ZFHX3: variants seen among roughly 807,000 people sequenced by gnomAD.
ZFHX3 encodes zinc finger homeobox 3, also known as zinc finger homeobox protein 3.
A neutral mutation model predicts 279.1 loss-of-function variants in ZFHX3; 42 were observed. The observed-to-expected ratio is 0.15, with a 90% CI of 0.12 to 0.19. The LOEUF is 0.19. ZFHX3 is among the 10% of genes least tolerant of loss of function. ZFHX3 has a pLI of 1.00. For missense variants in ZFHX3, 4,981 were observed against 4,754.0 expected, an observed-to-expected ratio of 1.05 and a Z score of -1.40; for synonymous variants, 2,293 against 1,957.8, an observed-to-expected ratio of 1.17 and a Z score of -4.52.
intron 5 of ZFHX3, among the ~76,000 whole-genome samples, chr16:73,227,255 A>C (rs756657129): frequency 2.0e-5 from 3 of 152,226 alleles, no homozygotes; most frequent in African/African-American, 4.8e-5. Context: ...TGTGGTTCTT[A>C]ATAAGATTTT....
At chr16:73,015,923 A>T (rs1964086367) in intron 1 of ZFHX3, 1 of 152,214 alleles carries the variant, frequency 6.6e-6, no homozygotes. Flanking sequence ...TGGGTTTTAC[A>T]CACCATACGG....
intron 2 of ZFHX3, among the ~76,000 whole-genome samples, chr16:73,536,786 CTA>C (rs2019909476): frequency 6.6e-6 from 1 of 152,076 alleles, no homozygotes; most frequent in African/African-American, 2.4e-5. Flanking sequence ...TGTCAGAGGA[CTA>C]TGTTTCCAGG....
At chr16:73,217,444 T>A (rs1389757323) in intron 5 of ZFHX3, among the ~76,000 whole-genome samples, 1 of 152,098 alleles carries the variant, frequency 6.6e-6, no homozygotes, top group Non-Finnish European at 1.5e-5. Context: ...GGGTTTGGTA[T>A]TTTTTGTTTT....
rs184813919 is a variant in ZFHX3, at chr16:73,407,075, T to G, written c.-1291+48928A>C. On this transcript the variant is annotated intron_variant, in intron 3 of 17. Coordinates refer to the ZFHX3 transcript ENST00000641206. Reference sequence around the variant, plus strand: ...TTCCTGCAGGGCGTATTTGGCAATGTTTACATATATTTTTGGTTGTTACAA... The same window carrying G: ...TTCCTGCAGGGCGTATTTGGCAATGGTTACATATATTTTTGGTTGTTACAA... 7.4e-4 allele frequency among the ~76,000 whole-genome samples: 113 copies of G among 152,218 alleles called. No homozygotes were observed. The East Asian group carries it at 0.019, about 25-fold the overall frequency.
At chr16:73,709,961 C>G (rs375289112) in intron 1 of ZFHX3, among the ~76,000 whole-genome samples, 1 of 152,144 alleles carries the variant, frequency 6.6e-6, no homozygotes, top group African/African-American at 2.4e-5. Context: ...GTGGGTGGAT[C>G]ACCTGAGGTC....
intron 1 of ZFHX3, among the ~76,000 whole-genome samples, chr16:73,019,343 C>CGTGTGTGTGTGTGTGTGCGT: frequency 6.7e-6 from 1 of 150,170 alleles, no homozygotes; most frequent in Non-Finnish European, 1.5e-5. Context: ...TGTGTCTGTG[C>CGTGTGTGTGTGTGTGTGCGT]GTGTGTGTGT....
At chr16:73,447,119 T>C (rs548141731) in intron 3 of ZFHX3, among the ~76,000 whole-genome samples, 22 of 149,344 alleles carry the variant, frequency 1.5e-4, no homozygotes, top group African/African-American at 5.4e-4. Flanking sequence ...ATGCGGAGCT[T>C]GCAGTCAGCC....
intron 4 of ZFHX3, among the ~76,000 whole-genome samples, chr16:73,269,010 C>T (rs2014066200): frequency 1.3e-5 from 2 of 152,218 alleles, no homozygotes; most frequent in African/African-American, 4.8e-5. Flanking sequence ...AAGACCTGGG[C>T]TGCCTCCACT....
intron 3 of ZFHX3, among the ~76,000 whole-genome samples, chr16:73,430,852 T>C (rs2143514253): frequency 6.6e-6 from 1 of 152,292 alleles, no homozygotes; most frequent in African/African-American, 2.4e-5. Context: ...GCCCAAAAAG[T>C]CCCTCAAAGG....
intron 3 of ZFHX3, among the ~76,000 whole-genome samples, chr16:73,372,785 G>A (rs2016654388): frequency 6.6e-6 from 1 of 152,144 alleles, no homozygotes; most frequent in Admixed American, 6.6e-5. Flanking sequence ...GGGCTTAGGG[G>A]CATTTCTTTA....
chr16:73,734,745 C>T (rs981953056), intron 1 of ZFHX3, among the ~76,000 whole-genome samples: 1 of 151,832 alleles, frequency 6.6e-6, no homozygotes, highest in Non-Finnish European at 1.5e-5. Flanking sequence ...TTAAAAATAA[C>T]AAATTTGAAA....
chr16:73,036,648 G>T (rs1374933620), intron 1 of ZFHX3, among the ~76,000 whole-genome samples: 1 of 152,092 alleles, frequency 6.6e-6, no homozygotes, highest in East Asian at 1.9e-4. Context: ...AGGAGAGAGG[G>T]AGGAGGGGGA....
At chr16:73,575,768 G>A (rs574259083) in intron 2 of ZFHX3, among the ~76,000 whole-genome samples, 1 of 152,092 alleles carries the variant, frequency 6.6e-6, no homozygotes, top group African/African-American at 2.4e-5. Context: ...CACTCATGCC[G>A]CGGGGCTGTT....
intron 3 of ZFHX3, among the ~76,000 whole-genome samples, chr16:73,422,197 A>ATTTTTTTTTTTTTTTTTT (rs34462342): frequency 6.9e-6 from 1 of 144,574 alleles, no homozygotes; most frequent in Non-Finnish European, 1.5e-5. Context: ...TTTTCAGAAG[A>ATTTTTTTTTTTTTTTTTT]TTTTTTTTTT....
intron 1 of ZFHX3, among the ~76,000 whole-genome samples, chr16:73,765,577 A>G (rs1218457878): frequency 6.6e-6 from 1 of 152,210 alleles, no homozygotes; most frequent in Non-Finnish European, 1.5e-5. Flanking sequence ...AGGAAAGGAC[A>G]CCTGGGACTT....
chr16:73,324,673 G>T (rs964533326), intron 3 of ZFHX3, among the ~76,000 whole-genome samples: 1 of 152,176 alleles, frequency 6.6e-6, no homozygotes, highest in Non-Finnish European at 1.5e-5. Flanking sequence ...AGAGGCCTTT[G>T]GTCAAGGGAG....
At chr16:73,600,890 C>G (rs750510850) in intron 2 of ZFHX3, among the ~76,000 whole-genome samples, 26 of 152,178 alleles carry the variant, frequency 1.7e-4, no homozygotes, top group Non-Finnish European at 3.5e-4. Flanking sequence ...GGATTGGAAC[C>G]CAGTCTAACT....
In ZFHX3 at chr16:72,811,666, C is replaced by T. The variant is rs142669700; in HGVS notation, c.3775G>A (p.Asp1259Asn). 6.2e-7 allele frequency: 1 copy of T among 1,613,820 alleles called. No homozygotes were observed. The highest frequency in any genetic ancestry group is 8.5e-7 in the Non-Finnish European group (1 of 1,179,950). ...QPMLRCPLCQ[D>N]MLNNKIHLQL... ...AGGTGGATCTTGTTGTTGAGCATGTCCTGGCACAGGGGGCAGCGAAGCATG... is the reference window on the plus strand; with the variant it reads ...AGGTGGATCTTGTTGTTGAGCATGTTCTGGCACAGGGGGCAGCGAAGCATG... The change falls in exon 7 of 10, where the codon GAC (aspartate) becomes AAC (asparagine). Residue 1259 changes from aspartate (D) to asparagine (N), a missense_variant. By Grantham distance (23) the Asp-to-Asn change is conservative. Transcript: ENST00000268489.
chr16:73,020,995 T>C (rs374043279), intron 1 of ZFHX3, among the ~76,000 whole-genome samples: 1 of 152,322 alleles, frequency 6.6e-6, no homozygotes, highest in African/African-American at 2.4e-5. Context: ...GCATACCGTA[T>C]AGAGCACCTG....
Sources: allele counts gnomAD v4.1 joint callset (sites outside exome capture counted in the v4.1 genomes callset), GRCh38; gene constraint gnomAD v4.1.1; transcripts MANE v1.5; gene names NCBI Gene and HGNC (gene_info 2026-07-23, HGNC 2026-07-21).